The following RGS9 variants were observed in gnomAD, a reference collection of about 807,000 sequenced individuals.
The protein encoded by RGS9 is regulator of G-protein signalling 9.
In RGS9, 78 loss-of-function variants were observed where a neutral mutation model predicts 102.0. The observed-to-expected ratio is 0.76, with a 90% CI of 0.64 to 0.92. The LOEUF is 0.92. RGS9 is among the 40% of genes least tolerant of loss of function. The pLI, the probability that RGS9 is intolerant of heterozygous loss-of-function variation, is 0.00. For synonymous variants in RGS9, 353 were observed against 318.6 expected (o/e 1.11, Z -1.15); for missense variants, 833 against 866.1 (o/e 0.96, Z 0.48).
At chr17:65,154,797 T>A (rs2143978723) in intron 2 of RGS9, among the ~76,000 whole-genome samples, 1 of 152,370 alleles carries the variant, frequency 6.6e-6, no homozygotes, top group South Asian at 2.1e-4. Context: ...GCGTATTGCC[T>A]GCAGAAGCAG....
chr17:65,141,339 TC>T (rs1488150227), intron 1 of RGS9, among the ~76,000 whole-genome samples: 1 of 152,142 alleles, frequency 6.6e-6, no homozygotes, highest in Non-Finnish European at 1.5e-5. Flanking sequence ...CAGATCACCA[TC>T]CCAGCCAGTA....
At chr17:65,190,786 A>G (rs1446941080) in intron 11 of RGS9, among the ~76,000 whole-genome samples, 4 of 152,230 alleles carry the variant, frequency 2.6e-5, no homozygotes, top group Non-Finnish European at 5.9e-5. Context: ...TCCCACGTGC[A>G]AGCAGTTATT....
chr17:65,166,125 G>T (rs1911171735), intron 7 of RGS9, among the ~76,000 whole-genome samples: 1 of 152,140 alleles, frequency 6.6e-6, no homozygotes. Flanking sequence ...TTGCTTAGAG[G>T]TGTTTGGGGA....
At chr17:65,195,516 A>T (rs1912549745) in intron 12 of RGS9, among the ~76,000 whole-genome samples, 1 of 151,972 alleles carries the variant, frequency 6.6e-6, no homozygotes, top group Admixed American at 6.6e-5. Flanking sequence ...TGCACCTATC[A>T]ACTGTGCCGC....
chr17:65,162,493 C>T (rs1911021116), intron 6 of RGS9, among the ~76,000 whole-genome samples: 1 of 152,146 alleles, frequency 6.6e-6, no homozygotes, highest in South Asian at 2.1e-4. Context: ...GAGGAAGTCT[C>T]ACTCTGTCAC....
rs768629728 is a variant in RGS9 at position 65,204,314 on chromosome 17, G to A, written c.1203+13G>A. 9.3e-6 allele frequency: 15 copies of A among 1,613,600 alleles called. No homozygotes were observed. The East Asian group carries it at 1.3e-4, about 14-fold the overall frequency. ...GCTCATGAAGAAGGTAGGTGGGTCCGTGCTGTGGATACGGGGTCCAGATAG... is the reference window on the plus strand; with the variant it reads ...GCTCATGAAGAAGGTAGGTGGGTCCATGCTGTGGATACGGGGTCCAGATAG... On this transcript the variant is annotated intron_variant, in intron 15 of 18. Transcript: ENST00000262406.
At chr17:65,179,399 G>C (rs944084689) in intron 9 of RGS9, among the ~76,000 whole-genome samples, 1 of 152,168 alleles carries the variant, frequency 6.6e-6, no homozygotes, top group African/African-American at 2.4e-5. Context: ...CCTTGCCAGA[G>C]AACAGATCAC....
chr17:65,187,772 C>T (rs937122809), intron 9 of RGS9, among the ~76,000 whole-genome samples: 6 of 152,248 alleles, frequency 3.9e-5, no homozygotes, highest in East Asian at 1.9e-4. Context: ...CCAAGGCGGG[C>T]GGATCACGAG....
intron 3 of RGS9, 123 bp from the exon 4 acceptor site, chr17:65,160,110 T>G (rs1910919053): frequency 3.7e-6 from 3 of 802,036 alleles, no homozygotes. Context: ...TCCTCACTGC[T>G]CATGAGATGC....
chr17:65,220,705 T>G (rs73994758), intron 17 of RGS9, among the ~76,000 whole-genome samples: 1 of 152,144 alleles, frequency 6.6e-6, no homozygotes, highest in African/African-American at 2.4e-5. Context: ...CCAAGGTCTC[T>G]TTCAAATTCT....
chr17:65,192,381 C>G (rs56288597), intron 11 of RGS9, among the ~76,000 whole-genome samples: 8,246 of 152,080 alleles, frequency 0.054, 407 homozygotes, highest in African/African-American at 0.12. Flanking sequence ...TGGGAAGTTT[C>G]AGGCAGGAGG....
chr17:65,188,420 G>A (rs1391092921), intron 9 of RGS9, among the ~76,000 whole-genome samples: 1 of 152,222 alleles, frequency 6.6e-6, no homozygotes, highest in Non-Finnish European at 1.5e-5. Flanking sequence ...TGCAGTGCAT[G>A]CTGGCCTCAA....
intron 1 of RGS9, among the ~76,000 whole-genome samples, chr17:65,142,593 T>C (rs879052685): frequency 6.6e-6 from 1 of 151,020 alleles, no homozygotes; most frequent in African/African-American, 2.4e-5. Flanking sequence ...TTTTTTTTGT[T>C]TGTTTTTGAG....
intron 7 of RGS9, among the ~76,000 whole-genome samples, chr17:65,167,364 G>T (rs190816004): frequency 6.6e-6 from 1 of 151,646 alleles, no homozygotes; most frequent in African/African-American, 2.4e-5. Flanking sequence ...ACCATGCCCG[G>T]AACATTTTTA....
chr17:65,140,095 T>C (rs1567855426), intron 1 of RGS9, among the ~76,000 whole-genome samples: 1 of 152,232 alleles, frequency 6.6e-6, no homozygotes, highest in Non-Finnish European at 1.5e-5. Context: ...ATGGCCACCA[T>C]TTTACAGAGA....
intron 17 of RGS9, among the ~76,000 whole-genome samples, chr17:65,224,117 C>T (rs1905500531): frequency 6.6e-6 from 1 of 152,204 alleles, no homozygotes; most frequent in African/African-American, 2.4e-5. Context: ...ATCCAGCAAA[C>T]CCAGGCCCAT....
At chr17:65,142,127 CT>C (rs1910181101) in intron 1 of RGS9, among the ~76,000 whole-genome samples, 1 of 152,198 alleles carries the variant, frequency 6.6e-6, no homozygotes, top group Admixed American at 6.5e-5. Context: ...GCCTGTAATC[CT>C]AGCTACTTGG....
chr17:65,168,273 C>A lies in RGS9; in HGVS notation c.574C>A (p.Arg192=). 6.2e-7 allele frequency: 1 copy of A among 1,605,794 alleles called. No individual in the cohort carries two copies. Among genetic ancestry groups the A allele is most frequent in the East Asian group, 2.2e-5 (1 of 44,656 alleles). The change falls in exon 8 of 19, where the codon CGA becomes AGA. Residue 192 remains arginine, a synonymous_variant. Transcript: ENST00000262406. ...GGAGAAGGCATACTGGCTGGTGCAC[C>A]GATGCCCTGTGAGTATCCTCCTGCC... ...CQEKAYWLVH[R]CPPGMDNVLD...
chr17:65,193,856 T>G (rs1912477042), intron 12 of RGS9, among the ~76,000 whole-genome samples, 200 bp downstream of exon 12: 1 of 152,102 alleles, frequency 6.6e-6, no homozygotes, highest in Admixed American at 6.5e-5. Context: ...TGAATCTACT[T>G]TCTGTGTTTA....
Sources: allele counts gnomAD v4.1 joint callset (sites outside exome capture counted in the v4.1 genomes callset), GRCh38; gene constraint gnomAD v4.1.1; transcripts MANE v1.5; gene names NCBI Gene and HGNC (gene_info 2026-07-23, HGNC 2026-07-21).